The following ZNF532 variants were observed in gnomAD, a reference collection of about 807,000 sequenced individuals.
The protein encoded by ZNF532 is zinc finger protein 532.
In ZNF532, 22 loss-of-function variants were observed where a neutral mutation model predicts 89.3. The observed-to-expected ratio is 0.25, with a 90% CI of 0.18 to 0.35. The LOEUF (loss-of-function observed/expected upper bound fraction) is 0.35, where lower values mean the gene tolerates loss of function less well. Among genes scored for constraint, ZNF532 ranks in the 10% least tolerant of loss-of-function variants. ZNF532 has a pLI of 1.00. For missense variants in ZNF532, 1,132 were observed against 1,643.4 expected (o/e 0.69, Z 5.38); for synonymous variants, 606 against 649.6 (o/e 0.93, Z 1.02).
intron 2 of ZNF532, among the ~76,000 whole-genome samples, chr18:58,904,838 CTTTTTTT>C (rs532227361): frequency 7.4e-6 from 1 of 135,186 alleles, no homozygotes; most frequent in Non-Finnish European, 1.6e-5. Flanking sequence ...CTATTTCTTT[CTTTTTTT>C]TTTTTTTTTG....
intron 7 of ZNF532, among the ~76,000 whole-genome samples, chr18:58,967,723 T>C (rs930201808): frequency 1.3e-5 from 2 of 152,196 alleles, no homozygotes; most frequent in African/African-American, 4.8e-5. Flanking sequence ...CACGGCCTGC[T>C]GGGTTGCTGA....
chr18:58,929,216 A>G lies in ZNF532; in HGVS notation c.2347-5217A>G, dbSNP rs75509504. Among the ~76,000 whole-genome samples the G allele has an allele frequency of 1.3e-3, 201 of 152,334 alleles. 1 individual carries two copies. In the East Asian group the frequency reaches 0.032, roughly 25 times the overall value. ...CAGCCGGAGGGACCTTAGGAATCAC[A>G]TAAGGATGGATTCTTGGGGTTACTT... On this transcript the variant is annotated intron_variant, in intron 3 of 9. Transcript: ENST00000591808.
chr18:58,887,898 G>A (rs902099064), intron 2 of ZNF532, among the ~76,000 whole-genome samples: 4 of 152,142 alleles, frequency 2.6e-5, no homozygotes, highest in Non-Finnish European at 5.9e-5. Flanking sequence ...GGGGCAGAGG[G>A]GAGCAGAAAT....
chr18:58,900,155 C>T (rs1478088609), intron 2 of ZNF532, among the ~76,000 whole-genome samples: 2 of 152,180 alleles, frequency 1.3e-5, no homozygotes, highest in African/African-American at 4.8e-5. Flanking sequence ...GGTCTGTCTG[C>T]GCAGCTGCGG....
In ZNF532 at chr18:58,939,541, T is replaced by C; in HGVS notation, c.2625T>C (p.Cys875=). The change falls in exon 5 of 10, where the codon TGT becomes TGC. Residue 875 remains cysteine (C), a synonymous_variant. Transcript: ENST00000591808. ...AAGTCTTCTACAAGTGTCCTATTTG[T>C]CCAATGGCGTTTAAGTCTGCCCCAA... The part of the protein sequence containing the change: ...HCEVFYKCPI[C]PMAFKSAPST... 2.5e-6 allele frequency: 4 copies of C among 1,614,134 alleles called. No homozygotes were observed. The highest frequency in any genetic ancestry group is 3.4e-6 in the Non-Finnish European group (4 of 1,180,030).
At position 58,919,554 on chromosome 18, in the gene ZNF532, C is replaced by T; in HGVS notation, c.1267C>T (p.Pro423Ser). The T allele has an allele frequency of 6.2e-7, 1 of 1,614,206 alleles. No individual in the cohort carries two copies. Among genetic ancestry groups the T allele is most frequent in the Non-Finnish European group, 8.5e-7 (1 of 1,180,034 alleles). ...CGTCCTTTCCTCTCCCCCCAGGGCGCCTCTCCAGTCTGCGGTCGTGACCAA... is the reference window on the plus strand; with the variant it reads ...CGTCCTTTCCTCTCCCCCCAGGGCGTCTCTCCAGTCTGCGGTCGTGACCAA... ...AAVLSSPPRAPLQSAVVTNAV... is the reference protein window; with the variant it reads ...AAVLSSPPRASLQSAVVTNAV... The change falls in exon 3 of 10, where the codon CCT becomes TCT. Residue 423 changes from proline to serine, a missense_variant. This residue lies in a region of ZNF532 where 124 missense variants were observed against 191.6 expected (regional missense o/e 0.65). Coordinates refer to ENST00000591808, the MANE Select transcript of ZNF532 (RefSeq NM_001375912.1). This position sits in a 1 kb window ranked among gnomAD's most constrained non-coding sequence, Gnocchi z 6.1.
At chr18:58,922,149 A>G (rs1056141081) in intron 3 of ZNF532, among the ~76,000 whole-genome samples, 8 of 152,010 alleles carry the variant, frequency 5.3e-5, no homozygotes, top group African/African-American at 1.7e-4. Flanking sequence ...CAAAGGGAGC[A>G]CTAGTTTGAG....
At chr18:58,890,901 G>A (rs1413934794) in intron 2 of ZNF532, among the ~76,000 whole-genome samples, 1 of 151,074 alleles carries the variant, frequency 6.6e-6, no homozygotes, top group Non-Finnish European at 1.5e-5. Flanking sequence ...CTGGGGTGCA[G>A]TGATGCTATC....
intron 7 of ZNF532, among the ~76,000 whole-genome samples, chr18:58,973,345 C>T (rs900986912): frequency 5.3e-5 from 8 of 152,206 alleles, no homozygotes; most frequent in Admixed American, 3.3e-4. Flanking sequence ...TCAAGTGGTG[C>T]GCCCGCCTTG....
rs370712369 is a variant in ZNF532 at position 58,919,088 on chromosome 18, C to G, written c.801C>G (p.Leu267=). The G allele has an allele frequency of 2.5e-6, 4 of 1,614,100 alleles. No homozygotes were observed. In the African/African-American group the frequency reaches 4.0e-5, roughly 16 times the overall value. Residue 267 remains leucine (L), a synonymous_variant, in exon 3 of 10, where the codon CTC becomes CTG. Coordinates refer to ENST00000591808, the MANE Select transcript of ZNF532 (RefSeq NM_001375912.1). The surrounding 1 kb of genome is among the most constrained non-coding windows in gnomAD (Gnocchi z 6.1). ...APSKTKSSSK[L]SSCIAAIAAL... Reference sequence around the variant, plus strand: ...CAAAGACAAAGTCGTCCTCCAAGCTCTCGTCCTGCATCGCTGCCATCGCGG... The same window carrying G: ...CAAAGACAAAGTCGTCCTCCAAGCTGTCGTCCTGCATCGCTGCCATCGCGG...
chr18:58,956,314 C>T (rs1424219260), intron 7 of ZNF532, among the ~76,000 whole-genome samples: 1 of 152,256 alleles, frequency 6.6e-6, no homozygotes, highest in East Asian at 1.9e-4. Context: ...GGAGTTGAGG[C>T]CCTGCCTTTG....
chr18:58,880,771 C>CGTGTGTGT (rs1555704786), intron 2 of ZNF532, among the ~76,000 whole-genome samples: 27 of 145,366 alleles, frequency 1.9e-4, no homozygotes, highest in East Asian at 1.0e-3. Context: ...CACGCGCGCG[C>CGTGTGTGT]GTCTGTGTGT....
At chr18:58,977,894 T>G (rs1345301133) in intron 7 of ZNF532, among the ~76,000 whole-genome samples, 1 of 152,196 alleles carries the variant, frequency 6.6e-6, no homozygotes, top group Non-Finnish European at 1.5e-5. Context: ...TTGCAATCAC[T>G]TCTTAGTATT....
At chr18:58,937,387 G>A (rs1308048406) in intron 4 of ZNF532, among the ~76,000 whole-genome samples, 8 of 152,180 alleles carry the variant, frequency 5.3e-5, no homozygotes, top group Non-Finnish European at 1.0e-4. Context: ...CCCTGCTTTC[G>A]TTTCTTACAT....
intron 5 of ZNF532, 54 bp from the exon 6 acceptor site, chr18:58,948,013 C>T: frequency 1.3e-6 from 2 of 1,535,562 alleles, no homozygotes; most frequent in Non-Finnish European, 1.8e-6. Context: ...AGTAGCAGAT[C>T]CTTTGACTTA....
intron 5 of ZNF532, among the ~76,000 whole-genome samples, chr18:58,947,747 T>C (rs1013962452): frequency 6.6e-6 from 1 of 152,218 alleles, no homozygotes; most frequent in African/African-American, 2.4e-5. Context: ...AAGGATGCTT[T>C]TGCTCTGTGT....
At chr18:58,881,366 C>T (rs919023987) in intron 2 of ZNF532, among the ~76,000 whole-genome samples, 6 of 152,160 alleles carry the variant, frequency 3.9e-5, no homozygotes, top group Non-Finnish European at 7.4e-5. Context: ...GAACTCCTGA[C>T]CTCAGCTGAT....
At chr18:58,863,907 C>G (rs1694219112), upstream of ZNF532, among the ~76,000 whole-genome samples, 2 of 151,920 alleles carry the variant, frequency 1.3e-5, no homozygotes, top group Non-Finnish European at 2.9e-5. Flanking sequence ...GCGCGTGAGG[C>G]TCAGGCCCCT....
chr18:58,963,051 C>G (rs1345357271), intron 7 of ZNF532, among the ~76,000 whole-genome samples: 1 of 152,102 alleles, frequency 6.6e-6, no homozygotes, highest in Non-Finnish European at 1.5e-5. Flanking sequence ...CACCAACACA[C>G]CTTTGTTGAG....
Sources: gnomAD v4.1 joint callset for allele counts (sites outside exome capture counted in the v4.1 genomes callset) on GRCh38, gnomAD v4.1.1 for gene constraint, gnomAD v4.1.1 regional missense constraint, Gnocchi (gnomAD v3.1) non-coding constraint, MANE v1.5 for transcripts, NCBI Gene and HGNC (gene_info 2026-07-23, HGNC 2026-07-21) for gene names.